PPP6R3: variants seen among roughly 807,000 people sequenced by gnomAD.
The protein encoded by PPP6R3 is serine/threonine-protein phosphatase 6 regulatory subunit 3.
A neutral mutation model predicts 110.7 loss-of-function variants in PPP6R3; 38 were observed. The observed-to-expected ratio is 0.34, with a 90% confidence interval of 0.26 to 0.45. PPP6R3 has a LOEUF of 0.45. PPP6R3 is among the 20% of genes least tolerant of loss of function. The pLI is 1.00. For missense variants in PPP6R3, 870 were observed against 1,062.4 expected (o/e 0.82, Z 2.52); for synonymous variants, 369 against 373.5 (o/e 0.99, Z 0.14).
intron 1 of PPP6R3, among the ~76,000 whole-genome samples, chr11:68,465,611 T>C (rs926604099): frequency 2.6e-5 from 4 of 152,210 alleles, no homozygotes; most frequent in African/African-American, 9.6e-5. Context: ...ACTTCTAATA[T>C]CCATTTATTT....
At chr11:68,487,363 AGCTAT>A (rs2098954385) in intron 1 of PPP6R3, among the ~76,000 whole-genome samples, 3 of 122 alleles carry the variant, frequency 0.025, no homozygotes, top group Non-Finnish European at 0.036. Context: ...GGTTGCAGTG[AGCTAT>A]GATCAGCCTG....
chr11:68,484,574 TTA>T (rs1011484826), intron 1 of PPP6R3, among the ~76,000 whole-genome samples: 4 of 150,642 alleles, frequency 2.7e-5, no homozygotes, highest in African/African-American at 7.3e-5. Flanking sequence ...ATATATATTT[TTA>T]TATATATATA....
At chr11:68,570,916 G>A in intron 11 of PPP6R3, 124 bp from the exon 12 acceptor site, 1 of 1,214,732 alleles carries the variant, frequency 8.2e-7, no homozygotes, top group South Asian at 1.5e-5. Flanking sequence ...ATTGCATTTG[G>A]CTTAGTAACA....
chr11:68,558,867 T>C (rs1486966448), intron 8 of PPP6R3, among the ~76,000 whole-genome samples, 188 bp downstream of exon 8: 1 of 152,260 alleles, frequency 6.6e-6, no homozygotes, highest in Non-Finnish European at 1.5e-5. Flanking sequence ...GAAAATTATG[T>C]TTTGGTGACA....
At chr11:68,606,290 T>TCCTCCTC (rs1939756312) in intron 22 of PPP6R3, among the ~76,000 whole-genome samples, 1 of 151,768 alleles carries the variant, frequency 6.6e-6, no homozygotes, top group African/African-American at 2.4e-5. Flanking sequence ...TTCCTCCTCT[T>TCCTCCTC]CCTCCTCCCT....
chr11:68,543,596 G>A (rs938369875), intron 3 of PPP6R3, among the ~76,000 whole-genome samples: 6 of 152,132 alleles, frequency 3.9e-5, no homozygotes, highest in African/African-American at 1.2e-4. Flanking sequence ...CAGGTGTGTC[G>A]TATACGTGTC....
intron 1 of PPP6R3, among the ~76,000 whole-genome samples, chr11:68,479,767 C>T (rs2098889076): frequency 6.6e-6 from 1 of 151,878 alleles, no homozygotes; most frequent in Non-Finnish European, 1.5e-5. Context: ...GAGACAGGTC[C>T]TTGCTCTGTC....
chr11:68,489,313 C>T (rs1045514873), intron 1 of PPP6R3, among the ~76,000 whole-genome samples: 1 of 152,118 alleles, frequency 6.6e-6, no homozygotes, highest in East Asian at 1.9e-4. Flanking sequence ...GTCACATACA[C>T]TTTTTCTGCC....
intron 1 of PPP6R3, among the ~76,000 whole-genome samples, chr11:68,517,154 T>C (rs141146944): frequency 6.6e-6 from 1 of 152,172 alleles, no homozygotes; most frequent in African/African-American, 2.4e-5. Flanking sequence ...TTGGAAAACG[T>C]TGCTAAAATG....
rs1267561858 is a variant in PPP6R3 at position 68,613,770 on chromosome 11, A to G, written c.*653A>G. 1.4e-5 allele frequency: 14 copies of G among 981,390 alleles called. No homozygotes were observed. The highest frequency in any genetic ancestry group is 1.8e-5 in the African/African-American group (1 of 57,118). The allele number at this position is 981,390 out of a possible 1,614,324, so 60.8% of individuals were successfully genotyped here. A position where few individuals can be genotyped will look rare whatever the true frequency, so the allele number is the denominator to read the frequency against. On this transcript the variant is annotated 3_prime_UTR_variant, in exon 24 of 24. Coordinates refer to ENST00000393800, the MANE Select transcript of PPP6R3 (RefSeq NM_001164161.2). ...GAGATTAAGTAAAGTATTTATTGCT[A>G]CATCATAGTTGATAAATTGATGTTA... is the stretch of plus-strand genomic sequence containing the variant.
At chr11:68,588,059 G>T in intron 16 of PPP6R3, 35 bp downstream of exon 16, 1 of 1,530,840 alleles carries the variant, frequency 6.5e-7, no homozygotes, top group Non-Finnish European at 9.1e-7. Context: ...TGTTGCTCTT[G>T]CACACCCTTG....
At position 68,613,944 on chromosome 11, in the gene PPP6R3, TTC is replaced by T; in HGVS notation, c.*828_*829del. 1.0e-6 allele frequency: 1 copy of T among 985,452 alleles called. No individual in the cohort carries two copies. Among genetic ancestry groups the T allele is most frequent in the South Asian group, 4.7e-5 (1 of 21,276 alleles). The allele number at this position is 985,452 out of a possible 1,614,324, so 61.0% of individuals were successfully genotyped here. A position where few individuals can be genotyped will look rare whatever the true frequency, so the allele number is the denominator to read the frequency against. On this transcript the variant is annotated 3_prime_UTR_variant, in exon 24 of 24. Transcript: ENST00000393800. ...CTTTTGTTTTTGTTTGTTTTTTTGT[TTC>T]ATTTGGTAGTTCATCTGCCTTTTAA...
chr11:68,522,446 C>G (rs758447956), intron 2 of PPP6R3: 1 of 152,252 alleles, frequency 6.6e-6, no homozygotes, highest in Non-Finnish European at 1.5e-5. Context: ...ATTTCTACAG[C>G]TATCCAGTGT....
chr11:68,520,502 A>G (rs1373979632), intron 2 of PPP6R3, among the ~76,000 whole-genome samples: 1 of 152,178 alleles, frequency 6.6e-6, no homozygotes, highest in Admixed American at 6.5e-5. Flanking sequence ...TCTAACTGGC[A>G]GGTGGATGTT....
At chr11:68,527,859 A>G (rs1269705824) in intron 2 of PPP6R3, among the ~76,000 whole-genome samples, 1 of 152,182 alleles carries the variant, frequency 6.6e-6, no homozygotes, top group African/African-American at 2.4e-5. Context: ...TGACTCCTGA[A>G]GCTACTGGGT....
chr11:68,504,469 C>G (rs1238828383), intron 1 of PPP6R3, among the ~76,000 whole-genome samples: 2 of 152,182 alleles, frequency 1.3e-5, no homozygotes, highest in African/African-American at 2.4e-5. Context: ...CGAGTGGATT[C>G]TTTCCTATTT....
At chr11:68,522,844 G>C (rs779647743) in intron 2 of PPP6R3, among the ~76,000 whole-genome samples, 4 of 152,172 alleles carry the variant, frequency 2.6e-5, no homozygotes, top group Non-Finnish European at 4.4e-5. Flanking sequence ...TATTCTGCCT[G>C]TAGTTCTTTC....
Position 68,614,277 on chromosome 11 carries a change from GTAATTTA to G in PPP6R3, c.*1167_*1173del. ...TAGTGATTATGGATACTAATTCAAT[GTAATTTA>G]TAATTTTCTATGTCAATACAAAAAT... On this transcript the variant is annotated 3_prime_UTR_variant, in exon 24 of 24. Transcript: ENST00000393800. 1 of 1,035,448 alleles carries G rather than the reference GTAATTTA, an allele frequency of 9.7e-7. No homozygotes were observed. The highest frequency in any genetic ancestry group is 1.2e-6 in the Non-Finnish European group (1 of 860,734). 64.1% of individuals were successfully genotyped at this position (1,035,448 alleles called of 1,614,324 possible).
At position 68,609,897 on chromosome 11, in the gene PPP6R3, A is replaced by G. The variant is rs779104275; in HGVS notation, c.2451-7A>G. ...GTTTGATGTGCCTGTCATCCTCTTT[A>G]CTGCAGTGAGGAAGGGAAACTGTCT... is the stretch of plus-strand genomic sequence containing the variant. On this transcript the variant is annotated splice_region_variant and splice_polypyrimidine_tract_variant and intron_variant, in intron 22 of 23. Transcript: ENST00000393800. 2.5e-6 allele frequency: 4 copies of G among 1,613,816 alleles called. No individual in the cohort carries two copies. The highest frequency in any genetic ancestry group is 3.4e-6 in the Non-Finnish European group (4 of 1,179,854).
Sources: gnomAD v4.1 joint callset for allele counts (sites outside exome capture counted in the v4.1 genomes callset) on GRCh38, gnomAD v4.1.1 for gene constraint, MANE v1.5 for transcripts, NCBI Gene and HGNC (gene_info 2026-07-23, HGNC 2026-07-21) for gene names.